The following DLGAP1 variants were observed in gnomAD, a reference collection of about 807,000 sequenced individuals.
DLGAP1 encodes disks large-associated protein 1.
A neutral mutation model predicts 90.8 loss-of-function variants in DLGAP1; 11 were observed. That is an observed-to-expected ratio of 0.12 (90% CI 0.08 to 0.20). The LOEUF is 0.20. Ranked by LOEUF, DLGAP1 falls within the 10% of genes least tolerant of loss-of-function variation. The pLI is 1.00. For synonymous variants in DLGAP1, 558 were observed against 540.7 expected (o/e 1.03, Z -0.44); for missense variants, 1,050 against 1,333.8 (o/e 0.79, Z 3.31).
At chr18:3,877,472 TTTG>T (rs1051935647) in intron 4 of DLGAP1, among the ~76,000 whole-genome samples, 98 of 152,346 alleles carry the variant, frequency 6.4e-4, no homozygotes, top group African/African-American at 2.1e-3. Flanking sequence ...TTCCTTTCAG[TTTG>T]TTTTGTTTTT....
chr18:3,919,872 A>AG (rs2072227631), intron 3 of DLGAP1, among the ~76,000 whole-genome samples: 1 of 152,216 alleles, frequency 6.6e-6, no homozygotes, highest in African/African-American at 2.4e-5. Flanking sequence ...AAGCTAAGAA[A>AG]GGGACAAAGA....
chr18:4,282,891 A>C (rs1408556942), intron 1 of DLGAP1, among the ~76,000 whole-genome samples: 6 of 152,180 alleles, frequency 3.9e-5, no homozygotes, highest in Non-Finnish European at 5.9e-5. Context: ...CACTGTAATA[A>C]ACTGTCTGGA....
chr18:3,713,235 C>T (rs187978050), intron 7 of DLGAP1, among the ~76,000 whole-genome samples: 3 of 152,326 alleles, frequency 2.0e-5, no homozygotes, highest in Non-Finnish European at 2.9e-5. Flanking sequence ...GTTTGCACAG[C>T]TGCAACTGAT....
intron 1 of DLGAP1, among the ~76,000 whole-genome samples, chr18:4,198,410 A>C (rs1202762720): frequency 6.6e-6 from 1 of 152,192 alleles, no homozygotes; most frequent in Admixed American, 6.5e-5. Context: ...AAAGGCCATG[A>C]TAACTTGTGT....
intron 1 of DLGAP1, among the ~76,000 whole-genome samples, chr18:4,327,847 T>C (rs1184139641): frequency 6.6e-6 from 1 of 152,022 alleles, no homozygotes; most frequent in Non-Finnish European, 1.5e-5. Context: ...GCAATGTTTG[T>C]GTTTTGCTTT....
intron 4 of DLGAP1, chr18:3,845,638 G>A (rs914198439): frequency 2.0e-6 from 2 of 983,254 alleles, no homozygotes; most frequent in African/African-American, 3.5e-5. Flanking sequence ...CTGGGCTATT[G>A]ATCACTTTGC....
At chr18:3,558,570 T>C (rs1056971310) in intron 9 of DLGAP1, among the ~76,000 whole-genome samples, 1 of 152,172 alleles carries the variant, frequency 6.6e-6, no homozygotes, top group Admixed American at 6.6e-5. Flanking sequence ...GGTAGGTGCA[T>C]ACATGTTAAA....
intron 5 of DLGAP1, among the ~76,000 whole-genome samples, chr18:3,811,628 A>G (rs1475568080): frequency 6.6e-6 from 1 of 152,218 alleles, no homozygotes; most frequent in Non-Finnish European, 1.5e-5. Context: ...CGTCTGAAGG[A>G]GCTGACCCTC....
chr18:4,405,910 C>T (rs562222533), intron 1 of DLGAP1, among the ~76,000 whole-genome samples: 30 of 152,208 alleles, frequency 2.0e-4, no homozygotes, highest in African/African-American at 6.3e-4. Flanking sequence ...AACTAAAGAA[C>T]GAAGGAATGA....
At chr18:3,575,065 A>T (rs2055043405) in intron 8 of DLGAP1, among the ~76,000 whole-genome samples, 1 of 151,940 alleles carries the variant, frequency 6.6e-6, no homozygotes. Flanking sequence ...CTGCCCACCT[A>T]GGCCTCCCAA....
intron 5 of DLGAP1, among the ~76,000 whole-genome samples, chr18:3,773,580 C>A (rs569710402): frequency 2.0e-5 from 3 of 152,242 alleles, no homozygotes; most frequent in South Asian, 4.2e-4. Context: ...GACTTTTGAT[C>A]CCCTAGTGCT....
At chr18:4,352,127 C>T (rs2081415910) in intron 1 of DLGAP1, among the ~76,000 whole-genome samples, 1 of 152,168 alleles carries the variant, frequency 6.6e-6, no homozygotes, top group Non-Finnish European at 1.5e-5. Context: ...GCCAACTTTA[C>T]CAAAACAAGG....
At chr18:3,639,701 G>C (rs1435184592) in intron 7 of DLGAP1, among the ~76,000 whole-genome samples, 1 of 150,806 alleles carries the variant, frequency 6.6e-6, no homozygotes, top group Admixed American at 6.6e-5. Context: ...TAACAGTCTG[G>C]TGAACATAAT....
In DLGAP1 at chr18:3,508,509, T is replaced by C. The variant is rs1000713370; in HGVS notation, c.2571+61A>G. 1.9e-5 allele frequency: 24 copies of C among 1,290,920 alleles called. No individual in the cohort carries two copies. The African/African-American group carries it at 3.1e-4, about 17-fold the overall frequency. The allele number at this position is 1,290,920 out of a possible 1,614,324, so 80.0% of individuals were successfully genotyped here. A position where few individuals can be genotyped will look rare whatever the true frequency, so the allele number is the denominator to read the frequency against. ...CAGTTTTACTTTAGTTGGGCCAGTCTTGGTGACATGTTCTTCTCATGGCAC... is the reference window on the plus strand; with the variant it reads ...CAGTTTTACTTTAGTTGGGCCAGTCCTGGTGACATGTTCTTCTCATGGCAC... On this transcript the variant is annotated intron_variant, in intron 11 of 12. Coordinates refer to ENST00000315677, the MANE Select transcript of DLGAP1 (RefSeq NM_004746.4).
chr18:3,998,174 T>C (rs1028051118), intron 3 of DLGAP1, among the ~76,000 whole-genome samples: 8 of 152,196 alleles, frequency 5.3e-5, no homozygotes, highest in Non-Finnish European at 2.9e-5. Flanking sequence ...ATTTATTAGA[T>C]GGAGTACTTT....
intron 7 of DLGAP1, among the ~76,000 whole-genome samples, chr18:3,670,008 G>A (rs1269610470): frequency 1.3e-5 from 2 of 152,204 alleles, no homozygotes; most frequent in Non-Finnish European, 2.9e-5. Context: ...GTGAGGCACT[G>A]AAGAAGTGAG....
chr18:4,041,937 G>A (rs542507748), intron 2 of DLGAP1, among the ~76,000 whole-genome samples: 14 of 152,274 alleles, frequency 9.2e-5, no homozygotes, highest in African/African-American at 2.2e-4. Context: ...TTGATCTACC[G>A]GGCTGTGGGC....
In DLGAP1 at chr18:3,728,450, G is replaced by A. The variant is rs369140549; in HGVS notation, c.1591+685C>T. Among the ~76,000 whole-genome samples, 103 of 151,908 alleles carry A rather than the reference G, an allele frequency of 6.8e-4. No homozygotes were observed. In the Middle Eastern group the frequency reaches 0.014, roughly 20 times the overall value. ...GCAGGTTCCAGTGTCACAGAAACTC[G>A]TTAAGCTTTTCTGTGTCTCCGTGCC... On this transcript the variant is annotated intron_variant, in intron 7 of 12. Transcript: ENST00000315677.
rs183702345 is a variant in DLGAP1 at position 4,035,407 on chromosome 18, G to A, written c.-158-30206C>T. Among the ~76,000 whole-genome samples, 3 of 152,234 alleles carry A rather than the reference G, an allele frequency of 2.0e-5. No homozygotes were observed. The East Asian group carries it at 5.8e-4, about 29-fold the overall frequency. Reference sequence around the variant, plus strand: ...AAAGTTTATAAGATAAGATACCTGAGTTAGGATTAAAGATACTGAAATATC... The same window carrying A: ...AAAGTTTATAAGATAAGATACCTGAATTAGGATTAAAGATACTGAAATATC... On this transcript the variant is annotated intron_variant, in intron 2 of 12. Coordinates refer to ENST00000315677, the MANE Select transcript of DLGAP1 (RefSeq NM_004746.4).
Sources: allele counts gnomAD v4.1 joint callset (sites outside exome capture counted in the v4.1 genomes callset), GRCh38; gene constraint gnomAD v4.1.1; transcripts MANE v1.5; gene names NCBI Gene and HGNC (gene_info 2026-07-23, HGNC 2026-07-21).